The following RSPH3 variants were observed in gnomAD, a reference collection of about 807,000 sequenced individuals.
RSPH3 encodes radial spoke head protein 3 homolog.
In RSPH3, 21 loss-of-function variants were observed where a neutral mutation model predicts 43.8. The observed-to-expected ratio is 0.48, with a 90% CI of 0.34 to 0.69. The LOEUF is 0.69. RSPH3 is among the 30% of genes least tolerant of loss of function. RSPH3 has a pLI of 0.01. For synonymous variants in RSPH3, 173 were observed against 179.8 expected, an observed-to-expected ratio of 0.96 and a Z score of 0.30; for missense variants, 487 against 516.0, an observed-to-expected ratio of 0.94 and a Z score of 0.54.
chr6:158,998,979 G>C (rs1017333297), intron 1 of RSPH3, among the ~76,000 whole-genome samples: 1 of 152,212 alleles, frequency 6.6e-6, no homozygotes. Context: ...CTGCCGAAGA[G>C]ATTTACTCGG....
downstream of RSPH3, chr6:158,972,733 A>G (rs1031751765): frequency 6.6e-6 from 1 of 152,246 alleles, no homozygotes; most frequent in African/African-American, 2.4e-5. Flanking sequence ...ATGGCATCTT[A>G]TATCTGAAAT....
At chr6:158,977,926 G>T in intron 7 of RSPH3, 78 bp from the exon 8 acceptor site, 1 of 1,284,618 alleles carries the variant, frequency 7.8e-7, no homozygotes, top group Non-Finnish European at 1.1e-6. Context: ...CTCACTTATA[G>T]ATGATTACAA....
downstream of RSPH3, among the ~76,000 whole-genome samples, chr6:158,972,056 C>G (rs1381318674): frequency 6.6e-6 from 1 of 152,070 alleles, no homozygotes; most frequent in Non-Finnish European, 1.5e-5. Flanking sequence ...CATGATAGGG[C>G]TGATATGGCA....
chr6:158,992,399 C>T (rs1583722263), intron 2 of RSPH3, among the ~76,000 whole-genome samples: 1 of 151,894 alleles, frequency 6.6e-6, no homozygotes, highest in Non-Finnish European at 1.5e-5. Flanking sequence ...TCTGCCTCAG[C>T]CTCCCAAGTA....
the RSPH3 span, among the ~76,000 whole-genome samples, chr6:158,963,499 GTC>G: frequency 2.7e-5 from 2 of 74,706 alleles, no homozygotes; most frequent in African/African-American, 5.2e-5. Context: ...TCCCTTCCCA[GTC>G]TCTTTCTCTT....
Position 158,977,435 on chromosome 6 carries a change from T to A in RSPH3, c.*103A>T. 5.0e-6 allele frequency: 5 copies of A among 1,008,784 alleles called. No homozygotes were observed. In the Admixed American group the frequency reaches 1.2e-4, roughly 24 times the overall value. 62.5% of individuals were successfully genotyped at this position (1,008,784 alleles called of 1,614,324 possible). On this transcript the variant is annotated 3_prime_UTR_variant, in exon 8 of 8. Coordinates refer to ENST00000367069, the MANE Select transcript of RSPH3 (RefSeq NM_031924.8). ...CCATTACACAAAAAGACATACTGAC[T>A]AAATACAACATAATTTCTATAACCT...
chr6:158,992,425 G>A (rs112837882), intron 2 of RSPH3, among the ~76,000 whole-genome samples: 2,669 of 151,270 alleles, frequency 0.018, 32 homozygotes, highest in Middle Eastern at 0.024. Context: ...GACTACAGGG[G>A]CGTGCCACCA....
At chr6:158,986,518 C>T (rs1778243769) in intron 2 of RSPH3, 97 bp from the exon 3 acceptor site, 3 of 903,570 alleles carry the variant, frequency 3.3e-6, no homozygotes, top group Non-Finnish European at 3.4e-6. Context: ...AGTATAAAGG[C>T]ATTTGTCATA....
At chr6:158,981,043 G>A in intron 5 of RSPH3, 107 bp from the exon 6 acceptor site, 1 of 1,037,358 alleles carries the variant, frequency 9.6e-7, no homozygotes, top group Non-Finnish European at 1.4e-6. Context: ...AAAATGGACA[G>A]CGAGGTGTCT....
downstream of RSPH3, among the ~76,000 whole-genome samples, chr6:158,968,155 T>C (rs554551339): frequency 6.6e-6 from 1 of 152,344 alleles, no homozygotes; most frequent in African/African-American, 2.4e-5. Context: ...GTACCTTTAT[T>C]CCTCCATTAT....
chr6:158,969,320 T>A (rs1201993303), downstream of RSPH3, among the ~76,000 whole-genome samples: 1 of 152,228 alleles, frequency 6.6e-6, no homozygotes, highest in Non-Finnish European at 1.5e-5. Context: ...TTTAGCACTT[T>A]GAATATATGA....
chr6:158,998,523 TG>T (rs1778702932), intron 1 of RSPH3, among the ~76,000 whole-genome samples: 1 of 149,188 alleles, frequency 6.7e-6, no homozygotes, highest in African/African-American at 2.5e-5. Flanking sequence ...TTCTTTCCTA[TG>T]TATGTTTGAA....
At chr6:158,967,304 T>G in the RSPH3 span, among the ~76,000 whole-genome samples, 1 of 152,156 alleles carries the variant, frequency 6.6e-6, no homozygotes, top group East Asian at 1.9e-4. Flanking sequence ...CCTATTTCTG[T>G]TTCTATTCAC....
At chr6:158,999,029 C>A (rs1162601329) in intron 1 of RSPH3, among the ~76,000 whole-genome samples, 1 of 152,184 alleles carries the variant, frequency 6.6e-6, no homozygotes, top group South Asian at 2.1e-4. Flanking sequence ...ATCTTTGCAC[C>A]GCGGTCTCCT....
At position 158,973,354 on chromosome 6, in the gene RSPH3, A is replaced by G. The variant is rs934595138; in HGVS notation, c.*4184T>C. 1 of 152,222 alleles carries G rather than the reference A, an allele frequency of 6.6e-6. No homozygotes were observed. Among genetic ancestry groups the G allele is most frequent in the African/African-American group, 2.4e-5 (1 of 41,462 alleles). The allele number at this position is 152,222 out of a possible 1,614,324, so 9.4% of individuals were successfully genotyped here. ...ACATAAAATGAAATGTTTCTAGGAT[A>G]GAAGAAATTGGTACCATTAACATTT... On this transcript the variant is annotated 3_prime_UTR_variant, in exon 8 of 8. Coordinates refer to ENST00000367069, the MANE Select transcript of RSPH3 (RefSeq NM_031924.8).
At chr6:158,990,015 C>G (rs1313293360) in intron 2 of RSPH3, among the ~76,000 whole-genome samples, 1 of 152,060 alleles carries the variant, frequency 6.6e-6, no homozygotes, top group Non-Finnish European at 1.5e-5. Context: ...ACTGGCCTAG[C>G]CCCCCAGCCT....
At chr6:158,997,182 A>G (rs2128611385) in intron 1 of RSPH3, among the ~76,000 whole-genome samples, 2 of 152,030 alleles carry the variant, frequency 1.3e-5, no homozygotes, top group Admixed American at 1.3e-4. Context: ...CAGAGCTGTG[A>G]GCTAAATAGA....
At position 158,999,612 on chromosome 6, in the gene RSPH3, GTGT is replaced by G. The variant is rs1298551063; in HGVS notation, c.-65_-63del. ...GGCTTTGAAGCAGGTGGGCGCTAAG[GTGT>G]TGTGGGACCCGGAGAGATGTAAGTA... On this transcript the variant is annotated 5_prime_UTR_variant, in exon 1 of 8. Transcript: ENST00000367069. 1 of 1,613,346 alleles carries G rather than the reference GTGT, an allele frequency of 6.2e-7. No individual in the cohort carries two copies. The highest frequency in any genetic ancestry group is 1.1e-5 in the South Asian group (1 of 90,996).
rs1777769783 is a variant in RSPH3 at position 158,974,200 on chromosome 6, T to G, written c.*3338A>C. On this transcript the variant is annotated 3_prime_UTR_variant, in exon 8 of 8. Coordinates refer to ENST00000367069, the MANE Select transcript of RSPH3 (RefSeq NM_031924.8). ...TGTTAGCTGAAACATCAGAAAGAAA[T>G]AAAACTTATGAGAAGGGTATTAGCA... The G allele has an allele frequency of 6.6e-6, 1 of 152,220 alleles. No individual in the cohort carries two copies. The highest frequency in any genetic ancestry group is 2.4e-5 in the African/African-American group (1 of 41,476). 9.4% of individuals were successfully genotyped at this position (152,220 alleles called of 1,614,324 possible). A position where few individuals can be genotyped will look rare whatever the true frequency, so the allele number is the denominator to read the frequency against.
Sources: gnomAD v4.1 joint callset for allele counts (sites outside exome capture counted in the v4.1 genomes callset) on GRCh38, gnomAD v4.1.1 for gene constraint, MANE v1.5 for transcripts, NCBI Gene and HGNC (gene_info 2026-07-23, HGNC 2026-07-21) for gene names.